TRPM3: variants seen among roughly 807,000 people sequenced by gnomAD.
TRPM3 encodes the protein long transient receptor potential channel 3.
Under a neutral mutation model 181.2 loss-of-function variants are expected in TRPM3, and 77 were observed. The observed-to-expected ratio is 0.42, with a 90% CI of 0.35 to 0.51. TRPM3 has a LOEUF of 0.51. Ranked by LOEUF, TRPM3 falls within the 20% of genes least tolerant of loss-of-function variation. The probability of loss-of-function intolerance (pLI) is 0.01; values close to 1 mark genes in which losing one functional copy is unlikely to be tolerated. For synonymous variants in TRPM3, 745 were observed against 796.4 expected (o/e 0.94, Z 1.09); for missense variants, 1,759 against 2,196.7 (o/e 0.80, Z 3.98).
In TRPM3 at chr9:70,638,963, C is replaced by T. The variant is rs544243812; in HGVS notation, c.1581+97G>A. 78 of 1,372,852 alleles carry T rather than the reference C, an allele frequency of 5.7e-5. No individual in the cohort carries two copies. The East Asian group carries it at 5.8e-4, about 10-fold the overall frequency. 85.0% of individuals were successfully genotyped at this position (1,372,852 alleles called of 1,614,324 possible). Reference sequence around the variant, plus strand: ...GTGATGAATGAACCATGCATTTGGACGGGAGAAGGGAAGAGAATCACAGGC... The same window carrying T: ...GTGATGAATGAACCATGCATTTGGATGGGAGAAGGGAAGAGAATCACAGGC... On this transcript the variant is annotated intron_variant, in intron 11 of 25. Coordinates refer to ENST00000677713, the MANE Select transcript of TRPM3 (RefSeq NM_001366145.2).
intron 1 of TRPM3, among the ~76,000 whole-genome samples, chr9:71,075,785 G>C (rs1052131823): frequency 3.3e-5 from 5 of 152,100 alleles, no homozygotes; most frequent in Admixed American, 3.3e-4. Context: ...ATTGGCATAA[G>C]GTTTATAATA....
At chr9:70,620,011 C>T in intron 16 of TRPM3, 65 bp downstream of exon 16, 3 of 1,520,610 alleles carry the variant, frequency 2.0e-6, no homozygotes. Flanking sequence ...CTCAGACTCT[C>T]CAGCACTGGG....
intron 10 of TRPM3, among the ~76,000 whole-genome samples, chr9:70,639,544 G>T (rs1185713065): frequency 6.6e-6 from 1 of 152,112 alleles, no homozygotes; most frequent in Non-Finnish European, 1.5e-5. Flanking sequence ...TGTCAAAGGG[G>T]GCACTTTTGC....
intron 12 of TRPM3, among the ~76,000 whole-genome samples, chr9:70,631,674 A>G (rs2133401153): frequency 6.6e-6 from 1 of 152,354 alleles, no homozygotes; most frequent in East Asian, 1.9e-4. Flanking sequence ...GGATTTATGC[A>G]TGAAAATAGT....
intron 9 of TRPM3, among the ~76,000 whole-genome samples, chr9:70,642,186 T>G (rs548634099): frequency 6.6e-6 from 1 of 152,180 alleles, no homozygotes; most frequent in Non-Finnish European, 1.5e-5. Flanking sequence ...ATATGTCATA[T>G]GTAACATCCC....
chr9:70,672,160 A>T lies in TRPM3; in HGVS notation c.1345+9346T>A, dbSNP rs4465028. On this transcript the variant is annotated intron_variant, in intron 9 of 25. Coordinates refer to ENST00000677713, the MANE Select transcript of TRPM3 (RefSeq NM_001366145.2). ...TTTTCTTTGGGAACCAAAAACCCTG[A>T]CATGAATACAGCTAACCCCATCTCT... Among the ~76,000 whole-genome samples, 3 of 151,894 alleles carry T rather than the reference A, an allele frequency of 2.0e-5. No individual in the cohort carries two copies. The South Asian group carries it at 6.2e-4, about 31-fold the overall frequency.
intron 1 of TRPM3, among the ~76,000 whole-genome samples, chr9:71,217,393 G>GAGGA (rs1231260823): frequency 1.3e-5 from 2 of 152,192 alleles, no homozygotes; most frequent in Non-Finnish European, 2.9e-5. Flanking sequence ...GTGTCAGACA[G>GAGGA]AGGTTGGGGG....
At chr9:70,545,400 T>G (rs963119996) in intron 25 of TRPM3, among the ~76,000 whole-genome samples, 5 of 152,034 alleles carry the variant, frequency 3.3e-5, no homozygotes, top group African/African-American at 1.2e-4. Context: ...GTGAGCAGGG[T>G]AGTAGATGAT....
At chr9:70,876,066 T>A (rs1186265376) in intron 1 of TRPM3, among the ~76,000 whole-genome samples, 1 of 151,738 alleles carries the variant, frequency 6.6e-6, no homozygotes, top group Non-Finnish European at 1.5e-5. Flanking sequence ...CATAAGCTAG[T>A]CTTTAATTTG....
intron 1 of TRPM3, among the ~76,000 whole-genome samples, chr9:71,101,302 A>T (rs1364888782): frequency 6.6e-6 from 1 of 152,188 alleles, no homozygotes; most frequent in Non-Finnish European, 1.5e-5. Context: ...ATACCTCCAC[A>T]GTCAGTCGCT....
intron 1 of TRPM3, among the ~76,000 whole-genome samples, chr9:70,869,336 T>TCCCC (rs796468760): frequency 7.1e-6 from 1 of 141,686 alleles, no homozygotes; most frequent in African/African-American, 2.7e-5. Context: ...CCTAACAGGC[T>TCCCC]CCCCCGCCCT....
intron 1 of TRPM3, among the ~76,000 whole-genome samples, chr9:71,419,059 C>A (rs1277044317): frequency 1.3e-5 from 2 of 150,926 alleles, no homozygotes; most frequent in Admixed American, 1.3e-4. Context: ...GAATGCAAAC[C>A]TGAGGAAAAT....
Position 71,030,832 on chromosome 9 carries a change from C to A in TRPM3, c.177+90346G>T, listed in dbSNP as rs571743054. On this transcript the variant is annotated intron_variant, in intron 1 of 25. Transcript: ENST00000677713. Reference sequence around the variant, plus strand: ...CTACAAAGACTAACTAAATTTAAAGCTATTTCTCCCAGAGCTTTTCATTTT... The same window carrying A: ...CTACAAAGACTAACTAAATTTAAAGATATTTCTCCCAGAGCTTTTCATTTT... Among the ~76,000 whole-genome samples the A allele has an allele frequency of 4.6e-5, 7 of 152,192 alleles. No individual in the cohort carries two copies. The South Asian group carries it at 8.3e-4, about 18-fold the overall frequency.
chr9:71,139,661 C>T (rs1296601107), intron 1 of TRPM3, among the ~76,000 whole-genome samples: 1 of 152,100 alleles, frequency 6.6e-6, no homozygotes, highest in African/African-American at 2.4e-5. Context: ...CACTGCAGTA[C>T]AGAATGGTTA....
chr9:71,225,958 C>A (rs2131873804), intron 1 of TRPM3, among the ~76,000 whole-genome samples: 1 of 122,856 alleles, frequency 8.1e-6, no homozygotes, highest in Admixed American at 1.1e-4. Flanking sequence ...ACCCAGCCTA[C>A]TTTTCAAGAC....
chr9:70,752,228 C>T (rs1286879616), intron 8 of TRPM3, among the ~76,000 whole-genome samples: 1 of 152,038 alleles, frequency 6.6e-6, no homozygotes, highest in African/African-American at 2.4e-5. Context: ...AATAGGGCAC[C>T]AGGGAAGGAC....
At chr9:70,822,759 T>TTGTG (rs113090222) in intron 6 of TRPM3, among the ~76,000 whole-genome samples, 2,334 of 147,156 alleles carry the variant, frequency 0.016, 32 homozygotes, top group African/African-American at 0.035. Context: ...AAGATTTGTC[T>TTGTG]TGTGTGTGTG....
chr9:70,751,248 G>A (rs1780390586), intron 8 of TRPM3, among the ~76,000 whole-genome samples: 1 of 152,020 alleles, frequency 6.6e-6, no homozygotes, highest in African/African-American at 2.4e-5. Flanking sequence ...TCCTATATTG[G>A]GAAAGTACGA....
At chr9:71,007,620 G>A (rs1455753658) in intron 1 of TRPM3, among the ~76,000 whole-genome samples, 1 of 152,076 alleles carries the variant, frequency 6.6e-6, no homozygotes, top group Non-Finnish European at 1.5e-5. Flanking sequence ...CTTGAACAAT[G>A]AAGAGATTAC....
Sources: allele counts gnomAD v4.1 joint callset (sites outside exome capture counted in the v4.1 genomes callset), GRCh38; gene constraint gnomAD v4.1.1; transcripts MANE v1.5; gene names NCBI Gene and HGNC (gene_info 2026-07-23, HGNC 2026-07-21).